The following PCDHA4 variants were observed in gnomAD, a reference collection of about 807,000 sequenced individuals.
The protein encoded by PCDHA4 is protocadherin alpha 4.
PCDHA4 carries 49 observed loss-of-function variants against 61.4 expected under a neutral mutation model. The ratio of observed to expected loss-of-function variants is 0.80; its 90% CI spans 0.63 to 1.01. The LOEUF (loss-of-function observed/expected upper bound fraction) is 1.01, where lower values mean the gene tolerates loss of function less well. Among genes scored for constraint, PCDHA4 ranks in the 50% least tolerant of loss-of-function variants. The pLI, the probability that PCDHA4 is intolerant of heterozygous loss-of-function variation, is 0.00. For synonymous variants in PCDHA4, 590 were observed against 550.3 expected (o/e 1.07, Z -1.01); for missense variants, 1,254 against 1,235.8 (o/e 1.01, Z -0.22).
At chr5:140,945,641 C>T (rs1253716354) in intron 1 of PCDHA4, among the ~76,000 whole-genome samples, 3 of 151,972 alleles carry the variant, frequency 2.0e-5, no homozygotes, top group Non-Finnish European at 2.9e-5. Context: ...GACATGTAGA[C>T]CAATGGAGCA....
chr5:140,821,835 T>A (rs11958868), intron 1 of PCDHA4: 5 of 1,613,936 alleles, frequency 3.1e-6, no homozygotes, highest in African/African-American at 1.3e-5. Context: ...GGCTTCTCCT[T>A]GCCTACTGGA....
chr5:140,899,982 AT>A (rs1290251020), intron 1 of PCDHA4, among the ~76,000 whole-genome samples: 2 of 150,600 alleles, frequency 1.3e-5, no homozygotes, highest in African/African-American at 4.9e-5. Flanking sequence ...TACTTTTTTG[AT>A]TTTTTTTGTA....
chr5:140,850,264 T>C (rs2150476504), intron 1 of PCDHA4: 2 of 1,594,136 alleles, frequency 1.3e-6, no homozygotes, highest in Admixed American at 1.7e-5. Flanking sequence ...GCCGGCGTAG[T>C]GGTGGGGAAG....
At chr5:140,895,339 T>C (rs1331642230) in intron 1 of PCDHA4, among the ~76,000 whole-genome samples, 3 of 152,196 alleles carry the variant, frequency 2.0e-5, no homozygotes, top group African/African-American at 4.8e-5. Context: ...ATTGTTTTAC[T>C]ATGCTTTCCA....
intron 1 of PCDHA4, chr5:140,928,916 G>A (rs1287378711): frequency 5.0e-6 from 8 of 1,613,988 alleles, no homozygotes; most frequent in East Asian, 2.2e-5. Flanking sequence ...GAACCAGGAG[G>A]GCAGCTTTCT....
intron 1 of PCDHA4, chr5:140,822,381 A>G: frequency 6.2e-7 from 1 of 1,614,174 alleles, no homozygotes; most frequent in Non-Finnish European, 8.5e-7. Flanking sequence ...TAGATAGAGA[A>G]GAAACACAAG....
intron 1 of PCDHA4, chr5:140,841,263 GT>G (rs1777118084): frequency 6.6e-7 from 1 of 1,521,614 alleles, no homozygotes; most frequent in African/African-American, 1.4e-5. Flanking sequence ...GACTCTGAAA[GT>G]ACAGTCGTTC....
chr5:140,836,216 G>C lies in PCDHA4; in HGVS notation c.2385+26644G>C, dbSNP rs1311247537. On this transcript the variant is annotated intron_variant, in intron 1 of 3. Coordinates refer to ENST00000530339, the MANE Select transcript of PCDHA4 (RefSeq NM_018907.4). The stretch of plus-strand genomic sequence containing the variant: ...ACAACGCGTGGCTTTCGTATGAGTT[G>C]CAACCGGTGGCGGCCGGTGCGAGCA... The C allele has an allele frequency of 1.2e-6, 2 of 1,613,724 alleles. No individual in the cohort carries two copies. Among genetic ancestry groups the C allele is most frequent in the East Asian group, 4.5e-5 (2 of 44,868 alleles).
At chr5:140,911,968 T>A (rs1554195054) in intron 1 of PCDHA4, among the ~76,000 whole-genome samples, 2 of 152,138 alleles carry the variant, frequency 1.3e-5, no homozygotes, top group East Asian at 3.9e-4. Flanking sequence ...TAAGGAGTAT[T>A]AACTCACATG....
Position 140,856,423 on chromosome 5 carries a change from T to C in PCDHA4, c.2385+46851T>C, listed in dbSNP as rs1266159746. 5 of 1,598,178 alleles carry C rather than the reference T, an allele frequency of 3.1e-6. 1 individual carries two copies. In the African/African-American group the frequency reaches 4.0e-5, roughly 13 times the overall value. On this transcript the variant is annotated intron_variant, in intron 1 of 3. Transcript: ENST00000530339. ...ATGTGGACGTGGAAGTGAAGGACAT[T>C]AACGACAACCCGCCCAGGTTCTCCG...
rs143527239 is a variant in PCDHA4, at chr5:140,842,140, C to G, written c.2385+32568C>G. The G allele has an allele frequency of 5.6e-4, 901 of 1,613,016 alleles. 21 individuals are homozygous for G. Among genetic ancestry groups the G allele is most frequent in the Admixed American group, 4.6e-3 (273 of 59,984 alleles). On this transcript the variant is annotated intron_variant, in intron 1 of 3. Coordinates refer to ENST00000530339, the MANE Select transcript of PCDHA4 (RefSeq NM_018907.4). ...ATGCTTCTGATCCGGATGAAGGAGC[C>G]AATGGGGCAATTTCATATTCTTTTA...
chr5:140,956,599 G>A (rs782510228), intron 1 of PCDHA4, among the ~76,000 whole-genome samples: 4 of 152,186 alleles, frequency 2.6e-5, no homozygotes, highest in Non-Finnish European at 5.9e-5. Flanking sequence ...AGGGATATCA[G>A]CTGGAAGTTT....
At chr5:140,899,228 T>G (rs1194169721) in intron 1 of PCDHA4, among the ~76,000 whole-genome samples, 1 of 152,126 alleles carries the variant, frequency 6.6e-6, no homozygotes, top group Non-Finnish European at 1.5e-5. Context: ...CAACACTATG[T>G]TGAATAGGAG....
At chr5:140,950,559 T>TAA (rs1381352344) in intron 1 of PCDHA4, among the ~76,000 whole-genome samples, 1 of 152,076 alleles carries the variant, frequency 6.6e-6, no homozygotes, top group African/African-American at 2.4e-5. Flanking sequence ...GGGGGACACT[T>TAA]ATTTTAAGGT....
At position 140,883,117 on chromosome 5, in the gene PCDHA4, G is replaced by T. The variant is rs782191143; in HGVS notation, c.2385+73545G>T. Reference sequence around the variant, plus strand: ...GAGATATAGTTTACTCATTTAGAAGGCCTGTATGGCCTGCAGTGGTATATG... The same window carrying T: ...GAGATATAGTTTACTCATTTAGAAGTCCTGTATGGCCTGCAGTGGTATATG... On this transcript the variant is annotated intron_variant, in intron 1 of 3. Transcript: ENST00000530339. 2.5e-6 allele frequency: 4 copies of T among 1,613,898 alleles called. No homozygotes were observed. Among genetic ancestry groups the T allele is most frequent in the Admixed American group, 3.3e-5 (2 of 59,964 alleles).
chr5:140,947,290 T>G (rs1554218137), intron 1 of PCDHA4, among the ~76,000 whole-genome samples: 2 of 151,614 alleles, frequency 1.3e-5, no homozygotes, highest in Non-Finnish European at 3.0e-5. Context: ...TTTTATTGCA[T>G]TATCTTGACA....
At chr5:140,896,309 A>T (rs1554186897) in intron 1 of PCDHA4, among the ~76,000 whole-genome samples, 1 of 152,184 alleles carries the variant, frequency 6.6e-6, no homozygotes. Flanking sequence ...AAATCTTCAA[A>T]CTGCTTTCCA....
intron 1 of PCDHA4, chr5:140,857,981 C>G (rs377577023): frequency 6.3e-7 from 1 of 1,596,978 alleles, no homozygotes; most frequent in Non-Finnish European, 8.6e-7. Flanking sequence ...GCCACGCCAG[C>G]GCCTACTGGT....
In PCDHA4 at chr5:140,927,750, G is replaced by T. The variant is rs155819; in HGVS notation, c.2386-51199G>T. The T allele has an allele frequency of 1.4e-3, 2,310 of 1,614,204 alleles. 26 individuals carry two copies. In the African/African-American group the frequency reaches 0.026, roughly 18 times the overall value. On this transcript the variant is annotated intron_variant, in intron 1 of 3. Coordinates refer to ENST00000530339, the MANE Select transcript of PCDHA4 (RefSeq NM_018907.4). ...CAGAGCTGCGACACCGCTTTCACGT[G>T]CACCCTAAAAGTGGGGAGGTGCAAG...
Sources: allele counts gnomAD v4.1 joint callset (sites outside exome capture counted in the v4.1 genomes callset), GRCh38; gene constraint gnomAD v4.1.1; transcripts MANE v1.5; gene names NCBI Gene and HGNC (gene_info 2026-07-23, HGNC 2026-07-21).